UGGT2: variants seen among roughly 807,000 people sequenced by gnomAD.
The protein encoded by UGGT2 is UDP-glucose glycoprotein glucosyltransferase 2, also known as UDP-glucose:glycoprotein glucosyltransferase 2.
A neutral mutation model predicts 192.1 loss-of-function variants in UGGT2; 180 were observed. The ratio of observed to expected loss-of-function variants is 0.94; its 90% CI spans 0.83 to 1.06. The LOEUF (loss-of-function observed/expected upper bound fraction) is 1.06, where lower values mean the gene tolerates loss of function less well. UGGT2 is among the 50% of genes least tolerant of loss of function. UGGT2 has a pLI of 0.00. For synonymous variants in UGGT2, 580 were observed against 591.0 expected, an observed-to-expected ratio of 0.98 and a Z score of 0.27; for missense variants, 1,849 against 1,795.7, an observed-to-expected ratio of 1.03 and a Z score of -0.54.
chr13:95,986,459 T>G, intron 8 of UGGT2, 27 bp from the exon 9 acceptor site: 1 of 1,474,910 alleles, frequency 6.8e-7, no homozygotes, highest in Non-Finnish European at 9.4e-7. Context: ...TATTAAGGAA[T>G]CTAGCATAAT....
At chr13:95,865,659 A>G (rs7323780) in intron 30 of UGGT2, among the ~76,000 whole-genome samples, 55,910 of 152,050 alleles carry the variant, frequency 0.37, 10,648 homozygotes, top group Non-Finnish European at 0.42. Flanking sequence ...GCGAGACTAC[A>G]TCTCAAAACA....
At chr13:95,884,202 T>C (rs1365499737) in intron 27 of UGGT2, among the ~76,000 whole-genome samples, 1 of 152,126 alleles carries the variant, frequency 6.6e-6, no homozygotes, top group Non-Finnish European at 1.5e-5. Context: ...TCTCTATATT[T>C]TTGACACTGC....
chr13:95,876,968 G>A (rs543617069), intron 29 of UGGT2: 5 of 146,384 alleles, frequency 3.4e-5, no homozygotes, highest in South Asian at 2.1e-4. Context: ...TGCAACCTCC[G>A]CCTCCCGAAG....
chr13:95,858,998 C>T (rs924427628), intron 33 of UGGT2, among the ~76,000 whole-genome samples: 4 of 152,220 alleles, frequency 2.6e-5, no homozygotes, highest in African/African-American at 9.6e-5. Flanking sequence ...TGCGGAGACA[C>T]TAAATTTCAC....
intron 1 of UGGT2, among the ~76,000 whole-genome samples, chr13:96,039,550 G>C (rs1279780995): frequency 6.6e-6 from 1 of 152,104 alleles, no homozygotes; most frequent in Non-Finnish European, 1.5e-5. Context: ...TCCCAACACT[G>C]AGTTTCCTAG....
chr13:95,847,022 A>T (rs1223213436), intron 36 of UGGT2, among the ~76,000 whole-genome samples: 3 of 148,002 alleles, frequency 2.0e-5, no homozygotes, highest in Non-Finnish European at 4.5e-5. Flanking sequence ...TTTCATTTTT[A>T]AAAATCTACA....
At chr13:95,904,156 A>T (rs2048199044) in intron 20 of UGGT2, among the ~76,000 whole-genome samples, 1 of 151,934 alleles carries the variant, frequency 6.6e-6, no homozygotes, top group African/African-American at 2.4e-5. Flanking sequence ...TAGTGTACTG[A>T]TGATGTGTTA....
intron 8 of UGGT2, 143 bp downstream of exon 8, chr13:95,989,830 C>G (rs2051402823): frequency 2.1e-6 from 1 of 484,108 alleles, no homozygotes; most frequent in African/African-American, 2.0e-5. Context: ...ATAGGTATTG[C>G]CACAAAAAAT....
intron 29 of UGGT2, among the ~76,000 whole-genome samples, chr13:95,871,565 G>C (rs550687032): frequency 6.6e-6 from 1 of 152,318 alleles, no homozygotes; most frequent in East Asian, 1.9e-4. Flanking sequence ...AAAGTTAGAA[G>C]TGTACATGGA....
chr13:95,840,767 C>T (rs1019586255), intron 36 of UGGT2, among the ~76,000 whole-genome samples: 21 of 152,168 alleles, frequency 1.4e-4, no homozygotes, highest in African/African-American at 4.8e-4. Context: ...TTTACCGCAG[C>T]ACTATTTACA....
At chr13:96,026,884 G>T (rs1264407157) in intron 2 of UGGT2, among the ~76,000 whole-genome samples, 1 of 151,752 alleles carries the variant, frequency 6.6e-6, no homozygotes, top group African/African-American at 2.4e-5. Context: ...TGTTAGCCAG[G>T]ATGGTCTCGA....
chr13:95,956,600 C>A (rs2050217912), intron 12 of UGGT2, among the ~76,000 whole-genome samples: 1 of 152,186 alleles, frequency 6.6e-6, no homozygotes, highest in Non-Finnish European at 1.5e-5. Context: ...GTAATGAGAA[C>A]CACAATGAGA....
At chr13:95,850,554 T>C (rs530857203) in intron 36 of UGGT2, among the ~76,000 whole-genome samples, 1 of 152,312 alleles carries the variant, frequency 6.6e-6, no homozygotes, top group South Asian at 2.1e-4. Context: ...AATGGGCACA[T>C]GAATGGAGTA....
chr13:96,027,787 A>G (rs959023234), intron 2 of UGGT2, among the ~76,000 whole-genome samples: 7 of 152,220 alleles, frequency 4.6e-5, no homozygotes, highest in Non-Finnish European at 1.0e-4. Flanking sequence ...TTAACTTACT[A>G]AAGTCTTGAT....
intron 20 of UGGT2, among the ~76,000 whole-genome samples, chr13:95,919,146 A>G (rs1387703173): frequency 1.3e-5 from 2 of 152,228 alleles, no homozygotes; most frequent in African/African-American, 2.4e-5. Context: ...CAATCAAGAA[A>G]AGCCTTTGAT....
intron 1 of UGGT2, among the ~76,000 whole-genome samples, chr13:96,033,426 C>T (rs2052900461): frequency 6.6e-6 from 1 of 152,076 alleles, no homozygotes; most frequent in African/African-American, 2.4e-5. Context: ...GTGCAGCTGT[C>T]CGGACCCGGA....
chr13:95,849,532 G>T (rs1443480744), intron 36 of UGGT2, among the ~76,000 whole-genome samples: 2 of 134,462 alleles, frequency 1.5e-5, no homozygotes, highest in Non-Finnish European at 3.1e-5. Flanking sequence ...AACAGAGTGA[G>T]ACTCTGTCTC....
At position 95,989,982 on chromosome 13, in the gene UGGT2, C is replaced by T. The variant is rs144698764; in HGVS notation, c.922G>A (p.Glu308Lys). The T allele has an allele frequency of 4.4e-4, 703 of 1,604,022 alleles. 1 individual carries two copies. The highest frequency in any genetic ancestry group is 2.0e-3 in the Middle Eastern group (12 of 6,024). Reference protein sequence around the residue: ...NKQMMPLKVWELQDLSFQAAS... With the variant: ...NKQMMPLKVWKLQDLSFQAAS... The stretch of plus-strand genomic sequence containing the variant: ...TCTCAAAATACTATACCTTGTAGTT[C>T]CCAGACTTTCAAAGGCATCATTTGT... Residue 308 changes from glutamate (E) to lysine (K), a missense_variant, in exon 8 of 39, where the codon GAA (glutamate) becomes AAA (lysine). Glu to Lys is a moderately conservative substitution (Grantham distance 56, BLOSUM62 1). Coordinates refer to ENST00000376747, the MANE Select transcript of UGGT2 (RefSeq NM_020121.4).
Position 95,977,288 on chromosome 13 carries a change from T to G in UGGT2, c.1093-4617A>C, listed in dbSNP as rs534854929. ...CAACCTACAGAATGGGAGAAAGTCT[T>G]TGCAATCTACCCATCTGACAAAGGT... On this transcript the variant is annotated intron_variant, in intron 10 of 38. Coordinates refer to ENST00000376747, the MANE Select transcript of UGGT2 (RefSeq NM_020121.4). Among the ~76,000 whole-genome samples, 10 of 152,282 alleles carry G rather than the reference T, an allele frequency of 6.6e-5. No homozygotes were observed. The East Asian group carries it at 1.9e-3, about 29-fold the overall frequency.
Sources: allele counts gnomAD v4.1 joint callset (sites outside exome capture counted in the v4.1 genomes callset), GRCh38; gene constraint gnomAD v4.1.1; transcripts MANE v1.5; gene names NCBI Gene and HGNC (gene_info 2026-07-23, HGNC 2026-07-21).